The following ANKS6 variants were observed in gnomAD, a reference collection of about 807,000 sequenced individuals.
The protein encoded by ANKS6 is ankyrin repeat and sterile alpha motif domain containing 6.
ANKS6 carries 47 observed loss-of-function variants against 77.9 expected under a neutral mutation model. That is an observed-to-expected ratio of 0.60 (90% confidence interval 0.48 to 0.77). The LOEUF (loss-of-function observed/expected upper bound fraction) is 0.77, where lower values mean the gene tolerates loss of function less well. Among genes scored for constraint, ANKS6 ranks in the 30% least tolerant of loss-of-function variants. ANKS6 has a pLI of 0.00. For synonymous variants in ANKS6, 488 were observed against 501.7 expected (o/e 0.97, Z 0.37); for missense variants, 1,150 against 1,159.1 (o/e 0.99, Z 0.11).
intron 11 of ANKS6, among the ~76,000 whole-genome samples, chr9:98,767,771 T>G (rs1248472663): frequency 6.6e-6 from 1 of 152,200 alleles, no homozygotes; most frequent in Non-Finnish European, 1.5e-5. Flanking sequence ...CTTAAACCAT[T>G]CATCCTCATC....
chr9:98,772,126 G>A (rs542872252), intron 9 of ANKS6, among the ~76,000 whole-genome samples: 3 of 152,358 alleles, frequency 2.0e-5, no homozygotes, highest in Admixed American at 2.0e-4. Flanking sequence ...TATGAGGCAT[G>A]AGAATGAGGA....
At chr9:98,771,652 C>T (rs1378304122) in intron 9 of ANKS6, among the ~76,000 whole-genome samples, 1 of 152,156 alleles carries the variant, frequency 6.6e-6, no homozygotes, top group Non-Finnish European at 1.5e-5. Flanking sequence ...TTTTTTGTGC[C>T]TTGGGGCCTT....
intron 1 of ANKS6, 194 bp downstream of exon 1, chr9:98,795,939 C>T: frequency 1.8e-6 from 1 of 551,680 alleles, no homozygotes; most frequent in East Asian, 3.6e-5. Flanking sequence ...TTCTAAGAAT[C>T]TGATTTTATG....
chr9:98,741,637 C>T (rs1831835447), intron 14 of ANKS6, among the ~76,000 whole-genome samples: 1 of 152,246 alleles, frequency 6.6e-6, no homozygotes, highest in South Asian at 2.1e-4. Context: ...TTAGGACCAA[C>T]TAACTCCTCA....
chr9:98,750,178 C>T (rs1009229402), intron 13 of ANKS6, among the ~76,000 whole-genome samples: 1 of 152,206 alleles, frequency 6.6e-6, no homozygotes, highest in East Asian at 1.9e-4. Context: ...CCATTCTACC[C>T]GCCTACTCCT....
At chr9:98,765,351 G>C (rs988321508) in intron 11 of ANKS6, among the ~76,000 whole-genome samples, 1 of 152,214 alleles carries the variant, frequency 6.6e-6, no homozygotes, top group Non-Finnish European at 1.5e-5. Flanking sequence ...GGCTGATTGT[G>C]TTAATGACAT....
rs1450352902 is a variant in ANKS6, at chr9:98,732,561, A to C, written c.*3958T>G. The C allele has an allele frequency of 1.3e-6, 2 of 1,550,624 alleles. No homozygotes were observed. Among genetic ancestry groups the C allele is most frequent in the Non-Finnish European group, 1.7e-6 (2 of 1,147,004 alleles). On this transcript the variant is annotated 3_prime_UTR_variant, in exon 15 of 15. Coordinates refer to ENST00000353234, the MANE Select transcript of ANKS6 (RefSeq NM_173551.5). ...TCACCCACCCAACCATGGCTACGTC[A>C]GGGCAGAAGGGAGAGAAGAAAGAGA... is the stretch of plus-strand genomic sequence containing the variant.
chr9:98,733,675 T>C lies in ANKS6; in HGVS notation c.*2844A>G. 1.0e-6 allele frequency: 1 copy of C among 985,408 alleles called. No homozygotes were observed. 61.0% of individuals were successfully genotyped at this position (985,408 alleles called of 1,614,324 possible). ...GAAGTGATGAGAGTAATGTGGGAGA[T>C]GCTATGAGTTTCTTGGCCCTGTGAA... On this transcript the variant is annotated 3_prime_UTR_variant, in exon 15 of 15. Transcript: ENST00000353234.
At chr9:98,763,361 G>A (rs1833112116) in intron 11 of ANKS6, among the ~76,000 whole-genome samples, 1 of 151,780 alleles carries the variant, frequency 6.6e-6, no homozygotes, top group Admixed American at 6.6e-5. Context: ...ACAAATAATT[G>A]AAAAATAAAC....
At position 98,796,226 on chromosome 9, in the gene ANKS6, C is replaced by A; in HGVS notation, c.266G>T (p.Gly89Val). 1.4e-6 allele frequency: 2 copies of A among 1,404,668 alleles called. No individual in the cohort carries two copies. The highest frequency in any genetic ancestry group is 1.9e-6 in the Non-Finnish European group (2 of 1,077,386). The allele number at this position is 1,404,668 out of a possible 1,614,324, so 87.0% of individuals were successfully genotyped here. Residue 89 changes from glycine (G) to valine (V), a missense_variant, in exon 1 of 15, where the codon GGC (glycine) becomes GTC (valine). Transcript: ENST00000353234. ...NTALQFAAAG[G>V]HEPLVRFLLR... ...CAGGAAGCGCACCAGCGGTTCGTGG[C>A]CCCCGGCCGCGGCGAACTGCAGTGC...
intron 9 of ANKS6, among the ~76,000 whole-genome samples, chr9:98,771,487 TCTC>T (rs998194054): frequency 1.3e-5 from 2 of 152,078 alleles, no homozygotes. Flanking sequence ...AAATGGATCT[TCTC>T]CTCCCCACAT....
intron 14 of ANKS6, among the ~76,000 whole-genome samples, chr9:98,737,237 A>G (rs550251399): frequency 8.1e-4 from 124 of 152,336 alleles, no homozygotes; most frequent in African/African-American, 3.0e-3. Flanking sequence ...TCAGAGGTTA[A>G]GAACAGAGAC....
intron 14 of ANKS6, 59 bp downstream of exon 14, chr9:98,745,500 A>C: frequency 6.7e-7 from 1 of 1,496,980 alleles, no homozygotes; most frequent in Admixed American, 1.7e-5. Flanking sequence ...AGATCCCAGG[A>C]CCCTGGTGAA....
At chr9:98,772,382 G>A (rs769064214) in intron 9 of ANKS6, among the ~76,000 whole-genome samples, 2 of 152,198 alleles carry the variant, frequency 1.3e-5, no homozygotes, top group African/African-American at 2.4e-5. Flanking sequence ...GGATCTCCCC[G>A]GAGCCTCCCG....
At chr9:98,773,756 A>C (rs1833762610) in intron 9 of ANKS6, 121 bp downstream of exon 9, 2 of 841,962 alleles carry the variant, frequency 2.4e-6, no homozygotes, top group Non-Finnish European at 3.3e-6. Flanking sequence ...TCATCCATTC[A>C]AAAGAAAAAA....
chr9:98,768,562 A>G (rs766103741), intron 10 of ANKS6, among the ~76,000 whole-genome samples: 45 of 152,250 alleles, frequency 3.0e-4, no homozygotes, highest in Non-Finnish European at 5.1e-4. Context: ...GCACAGATGC[A>G]ACACCCTGCA....
rs749697366 is a variant in ANKS6, at chr9:98,768,146, C to A, written c.2077G>T (p.Ala693Ser). Residue 693 changes from alanine (A) to serine (S), a missense_variant, in exon 11 of 15, where the codon GCA (alanine) becomes TCA (serine). Transcript: ENST00000353234. ...AGCTCAGACGGGCTGGACCCCGGTGCTGGCCCCACAGGGCTTGACCGATGG... is the reference window on the plus strand; with the variant it reads ...AGCTCAGACGGGCTGGACCCCGGTGATGGCCCCACAGGGCTTGACCGATGG... ...PSHRSSPVGP[A>S]PGSSPSELPA... 17 of 1,613,700 alleles carry A rather than the reference C, an allele frequency of 1.1e-5. No homozygotes were observed. Among genetic ancestry groups the A allele is most frequent in the Admixed American group, 1.0e-4 (6 of 59,998 alleles).
intron 13 of ANKS6, among the ~76,000 whole-genome samples, chr9:98,750,438 G>A (rs960912082): frequency 3.9e-5 from 6 of 152,152 alleles, no homozygotes; most frequent in African/African-American, 9.7e-5. Flanking sequence ...CATTTGGGTC[G>A]TATCCACAGT....
intron 6 of ANKS6, 35 bp from the exon 7 acceptor site, chr9:98,778,459 A>T: frequency 1.2e-6 from 2 of 1,602,080 alleles, no homozygotes; most frequent in Non-Finnish European, 1.7e-6. Context: ...GTCATGCTCC[A>T]GGAAGGGCAA....
Sources: allele counts gnomAD v4.1 joint callset (sites outside exome capture counted in the v4.1 genomes callset), GRCh38; gene constraint gnomAD v4.1.1; transcripts MANE v1.5; gene names NCBI Gene and HGNC (gene_info 2026-07-23, HGNC 2026-07-21).